IGF2BP3: variants seen among roughly 807,000 people sequenced by gnomAD.
IGF2BP3 encodes insulin like growth factor 2 mRNA binding protein 3.
In IGF2BP3, 9 loss-of-function variants were observed where a neutral mutation model predicts 73.8. That is an observed-to-expected ratio of 0.12 (90% CI 0.07 to 0.21). The LOEUF (loss-of-function observed/expected upper bound fraction) is 0.21. Ranked by LOEUF, IGF2BP3 falls within the 10% of genes least tolerant of loss-of-function variation. The probability of loss-of-function intolerance (pLI) is 1.00; values close to 1 mark genes in which losing one functional copy is unlikely to be tolerated. For missense variants in IGF2BP3, 542 were observed against 714.0 expected (o/e 0.76, Z 2.75); for synonymous variants, 258 against 256.7 (o/e 1.01, Z -0.05).
chr7:23,433,089 T>G (rs1787726983), intron 2 of IGF2BP3, among the ~76,000 whole-genome samples: 1 of 152,246 alleles, frequency 6.6e-6, no homozygotes, highest in Non-Finnish European at 1.5e-5. Flanking sequence ...TATAGTAAAT[T>G]GTACTTATCT....
At chr7:23,402,196 T>A (rs1043568761) in intron 3 of IGF2BP3, 1 of 152,178 alleles carries the variant, frequency 6.6e-6, no homozygotes, top group Non-Finnish European at 1.5e-5. Flanking sequence ...ATTTTTAGAC[T>A]TTTAGAGTTG....
chr7:23,443,844 C>A (rs1342018619), intron 2 of IGF2BP3, among the ~76,000 whole-genome samples: 2 of 151,518 alleles, frequency 1.3e-5, no homozygotes, highest in African/African-American at 2.4e-5. Context: ...CCCGTCTCTA[C>A]TAAAAATACA....
At chr7:23,433,280 C>T (rs1288643336) in intron 2 of IGF2BP3, among the ~76,000 whole-genome samples, 1 of 151,922 alleles carries the variant, frequency 6.6e-6, no homozygotes, top group East Asian at 1.9e-4. Flanking sequence ...TTTTTAGAAA[C>T]CGTACATCTT....
chr7:23,358,495 A>C (rs1383763030), intron 5 of IGF2BP3, among the ~76,000 whole-genome samples: 1 of 152,256 alleles, frequency 6.6e-6, no homozygotes, highest in African/African-American at 2.4e-5. Context: ...AAGCCACTTC[A>C]AACTGCTCCA....
Position 23,346,053 on chromosome 7 carries a change from C to A in IGF2BP3, c.828G>T (p.Glu276Asp), listed in dbSNP as rs1196900918. Residue 276 changes from glutamate to aspartate, a missense_variant, in exon 8 of 15, where the codon GAG becomes GAT. Glu to Asp is a conservative substitution (Grantham distance 45, BLOSUM62 2). Transcript: ENST00000258729. ...TATGAGCTAAAATCTTCAAGGGGATCTCTTCTGTGCTGTAAATAGAAAAGT... is the reference window on the plus strand; with the variant it reads ...TATGAGCTAAAATCTTCAAGGGGATATCTTCTGTGCTGTAAATAGAAAAGT... ...KEAQDIKFTE[E>D]IPLKILAHNN... 6.2e-7 allele frequency: 1 copy of A among 1,610,780 alleles called. No individual in the cohort carries two copies. Among genetic ancestry groups the A allele is most frequent in the Admixed American group, 1.7e-5 (1 of 59,260 alleles).
chr7:23,335,431 C>A (rs1484710556), intron 10 of IGF2BP3, among the ~76,000 whole-genome samples: 1 of 151,952 alleles, frequency 6.6e-6, no homozygotes, highest in Non-Finnish European at 1.5e-5. Flanking sequence ...TAGGCAAAGG[C>A]CACCACCCCC....
Position 23,466,380 on chromosome 7 carries a change from T to TA in IGF2BP3, c.236+2101dup, listed in dbSNP as rs550128616. Among the ~76,000 whole-genome samples, 13 of 152,288 alleles carry TA rather than the reference T, an allele frequency of 8.5e-5. No homozygotes were observed. In the South Asian group the frequency reaches 1.4e-3, roughly 17 times the overall value. On this transcript the variant is annotated intron_variant, in intron 2 of 14. Transcript: ENST00000258729. The stretch of plus-strand genomic sequence containing the variant: ...GCAAGGAACATGATTGTTCTATCAG[T>TA]AAAAACAACCTCCAATGTTCTCATC...
chr7:23,318,087 A>C (rs1784040669), intron 11 of IGF2BP3, among the ~76,000 whole-genome samples: 1 of 152,244 alleles, frequency 6.6e-6, no homozygotes, highest in Non-Finnish European at 1.5e-5. Flanking sequence ...GTCTGTCTCC[A>C]TTGCCTGTGT....
intron 2 of IGF2BP3, among the ~76,000 whole-genome samples, chr7:23,436,310 C>G (rs1412320432): frequency 6.6e-6 from 1 of 152,072 alleles, no homozygotes; most frequent in African/African-American, 2.4e-5. Flanking sequence ...GAGATACATG[C>G]TGAAGAATTA....
chr7:23,424,636 G>A (rs1481138486), intron 2 of IGF2BP3, among the ~76,000 whole-genome samples: 1 of 152,170 alleles, frequency 6.6e-6, no homozygotes, highest in Non-Finnish European at 1.5e-5. Context: ...GGTAGCTCAT[G>A]CCTGTAAACC....
At chr7:23,399,652 C>A (rs1786596589) in intron 3 of IGF2BP3, among the ~76,000 whole-genome samples, 1 of 152,120 alleles carries the variant, frequency 6.6e-6, no homozygotes, top group East Asian at 1.9e-4. Context: ...GCATAGGAAA[C>A]TAATATACCT....
At position 23,435,363 on chromosome 7, in the gene IGF2BP3, A is replaced by G. The variant is rs1440635802; in HGVS notation, c.237-16539T>C. Among the ~76,000 whole-genome samples the G allele has an allele frequency of 2.0e-5, 3 of 150,184 alleles. No homozygotes were observed. In the East Asian group the frequency reaches 6.0e-4, roughly 30 times the overall value. ...GTCTCTAGCCCTATCATGTCTTCTGAGAACAGAATTACATATAAAAATACA... is the reference window on the plus strand; with the variant it reads ...GTCTCTAGCCCTATCATGTCTTCTGGGAACAGAATTACATATAAAAATACA... On this transcript the variant is annotated intron_variant, in intron 2 of 14. Coordinates refer to ENST00000258729, the MANE Select transcript of IGF2BP3 (RefSeq NM_006547.3).
At chr7:23,421,388 T>C (rs1358133327) in intron 2 of IGF2BP3, among the ~76,000 whole-genome samples, 1 of 152,100 alleles carries the variant, frequency 6.6e-6, no homozygotes, top group Admixed American at 6.6e-5. Flanking sequence ...TGTTATATGT[T>C]GCTTCAATTA....
rs150697725 is a variant in IGF2BP3 at position 23,343,720 on chromosome 7, T to C, written c.1075A>G (p.Asn359Asp). ...ATGCCCTTCATAACAAAACTAACAT[T>C]CATAGAAGCAATATCATTTTCATAA... ...ESYENDIASM[N>D]LQAHLIPGLN... Residue 359 changes from asparagine (N) to aspartate (D), a missense_variant and splice_region_variant, in exon 9 of 15, where the codon AAT becomes GAT. Physicochemically the swap from Asn to Asp is conservative, Grantham distance 23. Transcript: ENST00000258729. 2,407 of 1,610,290 alleles carry C rather than the reference T, an allele frequency of 1.5e-3. 9 individuals are homozygous for C. Among genetic ancestry groups the C allele is most frequent in the Middle Eastern group, 0.012 (55 of 4,734 alleles).
intron 2 of IGF2BP3, among the ~76,000 whole-genome samples, chr7:23,429,569 T>A (rs1289929268): frequency 6.6e-6 from 1 of 152,170 alleles, no homozygotes; most frequent in Non-Finnish European, 1.5e-5. Flanking sequence ...AGATTGCACA[T>A]GAAATTCAAA....
rs752410305 is a variant in IGF2BP3 at position 23,351,178 on chromosome 7, C to A, written c.683+127G>T. The A allele has an allele frequency of 1.3e-3, 1,292 of 963,978 alleles. 6 individuals carry two copies. The highest frequency in any genetic ancestry group is 1.7e-3 in the Non-Finnish European group (1,095 of 640,456). 59.7% of individuals were successfully genotyped at this position (963,978 alleles called of 1,614,324 possible). A position where few individuals can be genotyped will look rare whatever the true frequency, so the allele number is the denominator to read the frequency against. ...AGATACTGCAAGATTTTTACACATT[C>A]CCAAGTACTGTACAAGGAGTCCTCA... On this transcript the variant is annotated intron_variant, in intron 6 of 14. Transcript: ENST00000258729.
chr7:23,347,878 G>A, intron 6 of IGF2BP3, 144 bp from the exon 7 acceptor site: 1 of 882,860 alleles, frequency 1.1e-6, no homozygotes, highest in Non-Finnish European at 1.7e-6. Flanking sequence ...CTTTCAATAA[G>A]CTGTCAACAT....
chr7:23,322,384 A>G (rs1216877739), intron 10 of IGF2BP3, among the ~76,000 whole-genome samples: 2 of 152,206 alleles, frequency 1.3e-5, no homozygotes, highest in Non-Finnish European at 1.5e-5. Flanking sequence ...AAGAATAAAA[A>G]GAAACGAGCA....
At chr7:23,434,135 T>C (rs953191458) in intron 2 of IGF2BP3, among the ~76,000 whole-genome samples, 7 of 151,864 alleles carry the variant, frequency 4.6e-5, no homozygotes, top group Non-Finnish European at 1.0e-4. Context: ...GAATACGTAT[T>C]TTCCACATAA....
Sources: allele counts gnomAD v4.1 joint callset (sites outside exome capture counted in the v4.1 genomes callset), GRCh38; gene constraint gnomAD v4.1.1; transcripts MANE v1.5; gene names NCBI Gene and HGNC (gene_info 2026-07-23, HGNC 2026-07-21).